The following DLG1 variants were observed in gnomAD, a reference collection of about 807,000 sequenced individuals.
DLG1 encodes discs large MAGUK scaffold protein 1.
In DLG1, 42 loss-of-function variants were observed where a neutral mutation model predicts 123.4. The observed-to-expected ratio is 0.34, with a 90% CI of 0.27 to 0.44. The LOEUF is 0.44. Ranked by LOEUF, DLG1 falls within the 20% of genes least tolerant of loss-of-function variation. The pLI is 1.00. For synonymous variants in DLG1, 317 were observed against 356.2 expected, an observed-to-expected ratio of 0.89 and a Z score of 1.24; for missense variants, 942 against 1,082.6, an observed-to-expected ratio of 0.87 and a Z score of 1.82.
intron 14 of DLG1, among the ~76,000 whole-genome samples, chr3:197,092,312 G>C (rs573119764): frequency 6.6e-6 from 1 of 152,206 alleles, no homozygotes; most frequent in African/African-American, 2.4e-5. Flanking sequence ...GAGTAATTCT[G>C]GTTCTCAAGA....
intron 6 of DLG1, among the ~76,000 whole-genome samples, chr3:197,147,052 C>A (rs1455773117): frequency 6.6e-6 from 1 of 152,108 alleles, no homozygotes; most frequent in Non-Finnish European, 1.5e-5. Flanking sequence ...AAGTGCTCAA[C>A]ATCACTATCG....
chr3:197,215,825 A>G (rs1733856033), intron 4 of DLG1, among the ~76,000 whole-genome samples: 1 of 152,184 alleles, frequency 6.6e-6, no homozygotes, highest in African/African-American at 2.4e-5. Context: ...ATGACAAAGA[A>G]TCTGAGGAGA....
intron 10 of DLG1, 50 bp from the exon 11 acceptor site, chr3:197,130,721 G>A: frequency 7.1e-7 from 1 of 1,400,690 alleles, no homozygotes; most frequent in Non-Finnish European, 9.6e-7. Context: ...TGTTCTCTGA[G>A]TTTTGGAAAC....
intron 5 of DLG1, among the ~76,000 whole-genome samples, chr3:197,175,370 T>G (rs1460883338): frequency 6.6e-6 from 1 of 152,208 alleles, no homozygotes; most frequent in East Asian, 1.9e-4. Context: ...AAGAGACTGA[T>G]ACTAAGTAAA....
Position 197,272,653 on chromosome 3 carries a change from G to A in DLG1, c.318+10026C>T, listed in dbSNP as rs933123268. ...AATATATTCTGGTATATCATACAAT[G>A]GAATATCATACAACAGTAAGGATGA... On this transcript the variant is annotated intron_variant, in intron 4 of 24. Transcript: ENST00000667157. 2.0e-5 allele frequency among the ~76,000 whole-genome samples: 3 copies of A among 152,196 alleles called. No individual in the cohort carries two copies. The East Asian group carries it at 5.8e-4, about 29-fold the overall frequency.
chr3:197,189,604 G>C (rs980829401), intron 5 of DLG1, among the ~76,000 whole-genome samples: 5 of 152,166 alleles, frequency 3.3e-5, no homozygotes, highest in African/African-American at 1.2e-4. Flanking sequence ...CCAGAGGATG[G>C]TTTATAATTG....
chr3:197,225,806 A>G (rs1739573676), intron 4 of DLG1: 1 of 152,666 alleles, frequency 6.6e-6, no homozygotes, highest in African/African-American at 2.4e-5. Flanking sequence ...TTGCTGAAAT[A>G]CTATTGGATT....
At chr3:197,224,114 T>C (rs960668585) in intron 4 of DLG1, among the ~76,000 whole-genome samples, 3 of 152,212 alleles carry the variant, frequency 2.0e-5, no homozygotes, top group Non-Finnish European at 2.9e-5. Context: ...TAACTATCTT[T>C]AATTACCAAG....
intron 4 of DLG1, among the ~76,000 whole-genome samples, chr3:197,212,445 T>G (rs1268017311): frequency 6.6e-6 from 1 of 152,218 alleles, no homozygotes; most frequent in Non-Finnish European, 1.5e-5. Flanking sequence ...CTGAAAACCC[T>G]AAGGAATTTA....
chr3:197,134,854 A>G (rs1303864155), intron 10 of DLG1, among the ~76,000 whole-genome samples: 1 of 152,234 alleles, frequency 6.6e-6, no homozygotes, highest in Non-Finnish European at 1.5e-5. Context: ...CGCCCAGGGG[A>G]GTTGGGTAAC....
At chr3:197,189,015 G>A (rs1717722470) in intron 5 of DLG1, among the ~76,000 whole-genome samples, 1 of 152,168 alleles carries the variant, frequency 6.6e-6, no homozygotes, top group African/African-American at 2.4e-5. Flanking sequence ...TGAAAGAGGG[G>A]AAGCAGGTAG....
intron 3 of DLG1, among the ~76,000 whole-genome samples, chr3:197,288,743 A>AAAAAAAAAAACATACATAC (rs1553827364): frequency 2.8e-5 from 2 of 72,078 alleles, no homozygotes; most frequent in Non-Finnish European, 4.8e-5. Context: ...AAAAAAAAAA[A>AAAAAAAAAAACATACATAC]ATACATACAT....
chr3:197,063,169 T>A (rs1193781950), intron 22 of DLG1, among the ~76,000 whole-genome samples: 1 of 148,634 alleles, frequency 6.7e-6, no homozygotes, highest in Non-Finnish European at 1.5e-5. Context: ...GGCAGGTTTA[T>A]TGTACCCTAA....
At chr3:197,287,250 G>A (rs1440005420) in intron 3 of DLG1, among the ~76,000 whole-genome samples, 2 of 151,860 alleles carry the variant, frequency 1.3e-5, no homozygotes, top group Non-Finnish European at 2.9e-5. Flanking sequence ...ATTCAAAACT[G>A]CTGAAAAAAA....
rs184403540 is a variant in DLG1 at position 197,149,867 on chromosome 3, G to A, written c.484-71C>T. On this transcript the variant is annotated intron_variant, in intron 5 of 24. Coordinates refer to ENST00000667157, the MANE Select transcript of DLG1 (RefSeq NM_001366207.1). ...ACATGTTCATGTTCACAATGTTAGA[G>A]GCATAGGAAAGACTTGCTATTTCTT... 1,517 of 899,314 alleles carry A rather than the reference G, an allele frequency of 1.7e-3. 23 individuals are homozygous for A. Among genetic ancestry groups the A allele is most frequent in the Non-Finnish European group, 1.2e-4 (67 of 551,126 alleles). The allele number at this position is 899,314 out of a possible 1,614,324, so 55.7% of individuals were successfully genotyped here.
chr3:197,084,376 A>C (rs537389104), intron 16 of DLG1, among the ~76,000 whole-genome samples: 2 of 151,260 alleles, frequency 1.3e-5, no homozygotes, highest in African/African-American at 4.9e-5. Flanking sequence ...CAGTGGTGCA[A>C]TTTCAGCTCA....
chr3:197,273,188 A>ATATG (rs1553803299), intron 4 of DLG1, among the ~76,000 whole-genome samples: 2 of 147,970 alleles, frequency 1.4e-5, no homozygotes, highest in East Asian at 3.9e-4. Context: ...CACTGAATAT[A>ATATG]TGTGTGTGTG....
intron 4 of DLG1, among the ~76,000 whole-genome samples, chr3:197,232,063 G>C (rs775788557): frequency 6.6e-6 from 1 of 152,278 alleles, no homozygotes; most frequent in East Asian, 1.9e-4. Flanking sequence ...CAAATAATTT[G>C]CTTTGTGTAT....
At chr3:197,281,704 G>T (rs1769456538) in intron 4 of DLG1, among the ~76,000 whole-genome samples, 1 of 152,198 alleles carries the variant, frequency 6.6e-6, no homozygotes, top group South Asian at 2.1e-4. Flanking sequence ...TGAGTTGGGT[G>T]TTAAGAGTCC....
Sources: gnomAD v4.1 joint callset for allele counts (sites outside exome capture counted in the v4.1 genomes callset) on GRCh38, gnomAD v4.1.1 for gene constraint, MANE v1.5 for transcripts, NCBI Gene and HGNC (gene_info 2026-07-23, HGNC 2026-07-21) for gene names.